RAP1A: variants seen among roughly 807,000 people sequenced by gnomAD.
RAP1A encodes ras-related protein Rap-1A.
In RAP1A, 6 loss-of-function variants were observed where a neutral mutation model predicts 26.4. That is an observed-to-expected ratio of 0.23 (90% CI 0.12 to 0.45). The LOEUF (loss-of-function observed/expected upper bound fraction) is 0.45, where lower values mean the gene tolerates loss of function less well. RAP1A is among the 20% of genes least tolerant of loss of function. The probability of loss-of-function intolerance (pLI) is 0.99; values close to 1 mark genes in which losing one functional copy is unlikely to be tolerated. For synonymous variants in RAP1A, 73 were observed against 79.4 expected (o/e 0.92, Z 0.43); for missense variants, 121 against 217.2 (o/e 0.56, Z 2.78).
At chr1:111,570,542 G>A (rs1658029313) in intron 1 of RAP1A, among the ~76,000 whole-genome samples, 1 of 152,056 alleles carries the variant, frequency 6.6e-6, no homozygotes, top group African/African-American at 2.4e-5. Flanking sequence ...CACCAACTTG[G>A]TGTCCCTCTT....
chr1:111,599,840 T>C (rs1177924373), intron 1 of RAP1A: 2 of 152,168 alleles, frequency 1.3e-5, no homozygotes, highest in African/African-American at 2.4e-5. Flanking sequence ...TGGGAGGTGA[T>C]TGGATCACGG....
intron 1 of RAP1A, among the ~76,000 whole-genome samples, chr1:111,606,112 C>T (rs1658769789): frequency 6.6e-6 from 1 of 152,196 alleles, no homozygotes; most frequent in South Asian, 2.1e-4. Context: ...AGGCCAGAAG[C>T]AAGGCTGGCA....
At chr1:111,711,075 G>A (rs1334134772) in intron 7 of RAP1A, among the ~76,000 whole-genome samples, 2 of 152,140 alleles carry the variant, frequency 1.3e-5, no homozygotes, top group Non-Finnish European at 2.9e-5. Flanking sequence ...CAGGTGATCC[G>A]ATCCACCTGC....
chr1:111,669,367 C>T (rs1016477047), intron 1 of RAP1A, among the ~76,000 whole-genome samples: 1 of 152,070 alleles, frequency 6.6e-6, no homozygotes, highest in Admixed American at 6.6e-5. Context: ...ATTTGGGGTG[C>T]AAATTGAAAT....
intron 1 of RAP1A, among the ~76,000 whole-genome samples, chr1:111,623,980 G>A (rs1439627247): frequency 6.6e-6 from 1 of 152,142 alleles, no homozygotes; most frequent in Admixed American, 6.5e-5. Flanking sequence ...CTAATCTCGT[G>A]ATTCTAAAAT....
At chr1:111,696,108 G>GA (rs1183010612) in intron 3 of RAP1A, among the ~76,000 whole-genome samples, 1 of 151,654 alleles carries the variant, frequency 6.6e-6, no homozygotes, top group Non-Finnish European at 1.5e-5. Flanking sequence ...ATTTAAAAGG[G>GA]AAAAAAAATT....
At chr1:111,630,746 G>A (rs1341188334) in intron 1 of RAP1A, among the ~76,000 whole-genome samples, 1 of 152,190 alleles carries the variant, frequency 6.6e-6, no homozygotes, top group Non-Finnish European at 1.5e-5. Flanking sequence ...GTGGGAAGCA[G>A]ATCATCATGT....
chr1:111,690,599 T>C (rs1661638530), intron 1 of RAP1A, among the ~76,000 whole-genome samples: 1 of 152,244 alleles, frequency 6.6e-6, no homozygotes. Context: ...TAAAAAGAGT[T>C]TTATATTTTT....
intron 1 of RAP1A, among the ~76,000 whole-genome samples, chr1:111,624,573 TATC>T (rs1659335745): frequency 6.6e-6 from 1 of 152,228 alleles, no homozygotes; most frequent in African/African-American, 2.4e-5. Flanking sequence ...CTTTGTTCAT[TATC>T]ATGAGGTTCT....
intron 1 of RAP1A, among the ~76,000 whole-genome samples, chr1:111,683,368 A>T (rs1571557595): frequency 6.6e-6 from 1 of 152,192 alleles, no homozygotes; most frequent in Admixed American, 6.5e-5. Context: ...TCAAAAAATC[A>T]ATGAATCCAG....
At chr1:111,612,976 G>C (rs1224753325) in intron 1 of RAP1A, among the ~76,000 whole-genome samples, 1 of 152,070 alleles carries the variant, frequency 6.6e-6, no homozygotes, top group African/African-American at 2.4e-5. Context: ...TGACAGACAA[G>C]AACACTGAGG....
chr1:111,597,124 C>T (rs942591091), intron 1 of RAP1A, among the ~76,000 whole-genome samples: 3 of 152,130 alleles, frequency 2.0e-5, no homozygotes, highest in Non-Finnish European at 4.4e-5. Context: ...AGTCAGTTTC[C>T]ACTTTTTAAT....
chr1:111,602,910 G>C (rs1201392639), intron 1 of RAP1A, among the ~76,000 whole-genome samples: 1 of 152,178 alleles, frequency 6.6e-6, no homozygotes, highest in Admixed American at 6.5e-5. Flanking sequence ...ATGGCACTGT[G>C]ATGCATCATT....
At chr1:111,544,243 TA>T (rs1656954937) in intron 1 of RAP1A, among the ~76,000 whole-genome samples, 1 of 152,206 alleles carries the variant, frequency 6.6e-6, no homozygotes, top group Non-Finnish European at 1.5e-5. Flanking sequence ...AAATCCACAT[TA>T]CATAAAATTC....
chr1:111,588,907 C>A (rs953897683), intron 1 of RAP1A, among the ~76,000 whole-genome samples: 1 of 152,162 alleles, frequency 6.6e-6, no homozygotes, highest in Non-Finnish European at 1.5e-5. Flanking sequence ...AACCACTGAG[C>A]TTTTGGGTCT....
chr1:111,705,268 T>C (rs942660217), intron 6 of RAP1A, among the ~76,000 whole-genome samples: 3 of 152,184 alleles, frequency 2.0e-5, no homozygotes, highest in African/African-American at 7.2e-5. Context: ...TTTCCTGCCG[T>C]TGCTTTTGCC....
intron 1 of RAP1A, among the ~76,000 whole-genome samples, chr1:111,604,107 C>G (rs745348707): frequency 6.6e-6 from 1 of 152,142 alleles, no homozygotes; most frequent in Admixed American, 6.5e-5. Flanking sequence ...AACGTGAATG[C>G]GGAGGAAGTG....
intron 1 of RAP1A, among the ~76,000 whole-genome samples, chr1:111,612,130 C>A (rs1658935986): frequency 6.6e-6 from 1 of 152,006 alleles, no homozygotes; most frequent in African/African-American, 2.4e-5. Context: ...CCAGTCTTCT[C>A]CCTGATAGTG....
chr1:111,649,573 A>C, intron 1 of RAP1A: 1 of 228,368 alleles, frequency 4.4e-6, no homozygotes, highest in Non-Finnish European at 9.2e-6. Context: ...GAGTGAGAGG[A>C]TAGGACTCAG....
Sources: allele counts gnomAD v4.1 joint callset (sites outside exome capture counted in the v4.1 genomes callset), GRCh38; gene constraint gnomAD v4.1.1; transcripts MANE v1.5; gene names NCBI Gene and HGNC (gene_info 2026-07-23, HGNC 2026-07-21).